Variants in ANKRD36C observed in about 807,000 individuals in gnomAD.
The protein encoded by ANKRD36C is ankyrin repeat domain 36C, also known as ankyrin repeat domain-containing protein 36C.
ANKRD36C carries 61 observed loss-of-function variants against 276.4 expected under a neutral mutation model. The ratio of observed to expected loss-of-function variants is 0.22; its 90% confidence interval spans 0.18 to 0.27. The LOEUF (loss-of-function observed/expected upper bound fraction) is 0.27, where lower values mean the gene tolerates loss of function less well. Ranked by LOEUF, ANKRD36C falls within the 10% of genes least tolerant of loss-of-function variation. ANKRD36C has a pLI of 1.00. For synonymous variants in ANKRD36C, 483 were observed against 680.1 expected (o/e 0.71, Z 4.51); for missense variants, 1,447 against 2,032.3 (o/e 0.71, Z 5.54).
chr2:95,985,556 A>T (rs1187007847), intron 3 of ANKRD36C, among the ~76,000 whole-genome samples: 1 of 152,198 alleles, frequency 6.6e-6, no homozygotes, highest in African/African-American at 2.4e-5. Flanking sequence ...GTCCAGTAAT[A>T]TTTAATAGTA....
intron 6 of ANKRD36C, among the ~76,000 whole-genome samples, chr2:95,970,381 C>T (rs1678673473): frequency 6.6e-6 from 1 of 152,278 alleles, no homozygotes; most frequent in Non-Finnish European, 1.5e-5. Context: ...ATATCACTCC[C>T]TTAAAAGCTT....
chr2:95,893,541 G>C, intron 44 of ANKRD36C: 1 of 1,546,188 alleles, frequency 6.5e-7, no homozygotes, highest in Non-Finnish European at 8.7e-7. Flanking sequence ...ACCTGTTCTA[G>C]ATTTTTCTCC....
chr2:95,964,181 G>GAA (rs80168070), intron 6 of ANKRD36C, among the ~76,000 whole-genome samples: 4 of 101,922 alleles, frequency 3.9e-5, no homozygotes, highest in Non-Finnish European at 2.1e-5. Context: ...CTTTCCTAAA[G>GAA]AAAAAAAAAA....
exon 5 of ANKRD36C, chr2:95,980,726 T>A (rs765040328): frequency 6.2e-7 from 1 of 1,611,472 alleles, no homozygotes; most frequent in Non-Finnish European, 8.5e-7. Flanking sequence ...AATATTGTGC[T>A]GCAGAAGAAG....
intron 44 of ANKRD36C, 26 bp downstream of exon 59, chr2:95,897,411 C>G: frequency 1.3e-6 from 2 of 1,544,672 alleles, no homozygotes. Flanking sequence ...TTTACTAGTT[C>G]ACAATATAAA....
At chr2:95,964,773 A>G (rs1375587662) in intron 6 of ANKRD36C, among the ~76,000 whole-genome samples, 5 of 151,758 alleles carry the variant, frequency 3.3e-5, no homozygotes, top group Non-Finnish European at 7.4e-5. Context: ...TATCTTACCT[A>G]TTTTCCTCTC....
chr2:95,947,349 G>T (rs1200517241), intron 17 of ANKRD36C, among the ~76,000 whole-genome samples: 1 of 151,898 alleles, frequency 6.6e-6, no homozygotes, highest in African/African-American at 2.4e-5. Context: ...GATATCTCAG[G>T]CATATTATGT....
intron 17 of ANKRD36C, among the ~76,000 whole-genome samples, chr2:95,948,086 T>A (rs1314137513): frequency 1.3e-5 from 2 of 152,150 alleles, no homozygotes; most frequent in Non-Finnish European, 2.9e-5. Context: ...AACTATATGC[T>A]ATGTGTAACA....
At chr2:95,958,380 C>A (rs546702565) in intron 12 of ANKRD36C, among the ~76,000 whole-genome samples, 1 of 152,166 alleles carries the variant, frequency 6.6e-6, no homozygotes, top group East Asian at 1.9e-4. Flanking sequence ...TTCCCAATTT[C>A]AATGTAGGGA....
intron 30 of ANKRD36C, among the ~76,000 whole-genome samples, chr2:95,924,559 A>G (rs1677355936): frequency 6.6e-6 from 1 of 151,682 alleles, no homozygotes; most frequent in Non-Finnish European, 1.5e-5. Context: ...TTGTATTATA[A>G]AGAATTTTCA....
chr2:95,911,947 GA>G (rs1281919871), intron 42 of ANKRD36C, among the ~76,000 whole-genome samples: 1 of 151,426 alleles, frequency 6.6e-6, no homozygotes, highest in African/African-American at 2.4e-5. Context: ...CACCCTTGAT[GA>G]AAAGATGCTA....
rs372322523 is a variant in ANKRD36C at position 95,926,032 on chromosome 2, A to C, written c.1940-485T>G. 3.5e-4 allele frequency among the ~76,000 whole-genome samples: 53 copies of C among 151,674 alleles called. No homozygotes were observed. The East Asian group carries it at 8.4e-3, about 24-fold the overall frequency. ...ACAATGACAATGACACTTTAGTAGAATGTACACTTCACAAGTCCTCGGTGG... is the reference window on the plus strand; with the variant it reads ...ACAATGACAATGACACTTTAGTAGACTGTACACTTCACAAGTCCTCGGTGG... On this transcript the variant is annotated intron_variant, in intron 28 of 66. Coordinates refer to ENST00000456556, the Ensembl canonical transcript of ANKRD36C.
At chr2:95,901,927 T>A (rs1360524151) in intron 42 of ANKRD36C, among the ~76,000 whole-genome samples, 1 of 149,394 alleles carries the variant, frequency 6.7e-6, no homozygotes, top group Admixed American at 6.7e-5. Context: ...TTTGACATAC[T>A]TCTACAAAGT....
At chr2:95,893,157 T>C (rs1477420159) in intron 44 of ANKRD36C, among the ~76,000 whole-genome samples, 2 of 151,388 alleles carry the variant, frequency 1.3e-5, no homozygotes, top group East Asian at 2.0e-4. Flanking sequence ...TATTACAAGT[T>C]TTCTGTCTGT....
exon 39 of ANKRD36C, chr2:95,914,292 T>G (rs779986992): frequency 3.9e-6 from 6 of 1,549,514 alleles, no homozygotes; most frequent in Admixed American, 3.9e-5. Flanking sequence ...CCTGCTGGTT[T>G]CTCAGAAGTC....
At chr2:95,947,780 T>C (rs1678093595) in intron 17 of ANKRD36C, among the ~76,000 whole-genome samples, 1 of 152,142 alleles carries the variant, frequency 6.6e-6, no homozygotes. Context: ...AAGCCCTCTC[T>C]ACTATAGATG....
At chr2:95,907,590 C>T (rs1225320057) in intron 42 of ANKRD36C, 1 of 144,350 alleles carries the variant, frequency 6.9e-6, no homozygotes, top group Non-Finnish European at 1.5e-5. Context: ...ATCAGTTTTT[C>T]ATTCAGAAAT....
chr2:95,914,173 C>G (rs1405289939), exon 40 of ANKRD36C: 1 of 1,584,712 alleles, frequency 6.3e-7, no homozygotes, highest in Non-Finnish European at 8.6e-7. Flanking sequence ...TTCCTCGTCA[C>G]TTGTAGCCTG....
At chr2:95,991,545 C>G in exon 1 of ANKRD36C, 1 of 1,611,428 alleles carries the variant, frequency 6.2e-7, no homozygotes, top group Non-Finnish European at 8.5e-7. Flanking sequence ...GATGTCATAA[C>G]GCGTGAGCAG....
Sources: gnomAD v4.1 joint callset for allele counts (sites outside exome capture counted in the v4.1 genomes callset) on GRCh38, gnomAD v4.1.1 for gene constraint, MANE v1.5 for transcripts, NCBI Gene and HGNC (gene_info 2026-07-23, HGNC 2026-07-21) for gene names.